The following SLC35F1 variants were observed in gnomAD, a reference collection of about 807,000 sequenced individuals.
SLC35F1 encodes the protein chromosome 6 open reading frame 169.
Under a neutral mutation model 48.7 loss-of-function variants are expected in SLC35F1, and 14 were observed. That is an observed-to-expected ratio of 0.29 (90% CI 0.19 to 0.45). The LOEUF (loss-of-function observed/expected upper bound fraction) is 0.45, where lower values mean the gene tolerates loss of function less well. Among genes scored for constraint, SLC35F1 ranks in the 20% least tolerant of loss-of-function variants. SLC35F1 has a pLI of 1.00. For missense variants in SLC35F1, 404 were observed against 500.0 expected (o/e 0.81, Z 1.83); for synonymous variants, 190 against 202.2 (o/e 0.94, Z 0.51).
intron 7 of SLC35F1, among the ~76,000 whole-genome samples, chr6:118,286,283 C>T (rs577104160): frequency 1.3e-5 from 2 of 152,312 alleles, no homozygotes; most frequent in South Asian, 2.1e-4. Flanking sequence ...AGCCACCATC[C>T]GCAGCACTCG....
intron 1 of SLC35F1, among the ~76,000 whole-genome samples, chr6:117,936,682 A>G: frequency 6.6e-6 from 1 of 152,314 alleles, no homozygotes; most frequent in East Asian, 1.9e-4. Flanking sequence ...GTAGATAGGC[A>G]TAAAGGCTTA....
intron 1 of SLC35F1, among the ~76,000 whole-genome samples, chr6:118,071,259 G>A (rs894653425): frequency 6.7e-6 from 1 of 148,626 alleles, no homozygotes; most frequent in Non-Finnish European, 1.5e-5. Flanking sequence ...TTACAGTATT[G>A]CTATATTGTT....
At chr6:118,303,272 T>A (rs937275) in intron 7 of SLC35F1, among the ~76,000 whole-genome samples, 16,170 of 152,240 alleles carry the variant, frequency 0.11, 959 homozygotes, top group Middle Eastern at 0.19. Context: ...CAATAATCCA[T>A]TAAGGGTGTT....
intron 1 of SLC35F1, among the ~76,000 whole-genome samples, chr6:118,061,675 C>T (rs192654681): frequency 1.3e-5 from 2 of 151,476 alleles, no homozygotes; most frequent in Admixed American, 6.6e-5. Flanking sequence ...ATAGTTTAAA[C>T]CAGCAGTCCC....
At chr6:118,071,216 A>ATG (rs1210819749) in intron 1 of SLC35F1, among the ~76,000 whole-genome samples, 16 of 147,266 alleles carry the variant, frequency 1.1e-4, no homozygotes, top group East Asian at 4.1e-4. Flanking sequence ...TATATATACT[A>ATG]TGTGTATATA....
At chr6:118,197,652 C>T (rs1262799938) in intron 2 of SLC35F1, among the ~76,000 whole-genome samples, 4 of 152,108 alleles carry the variant, frequency 2.6e-5, no homozygotes, top group Non-Finnish European at 5.9e-5. Flanking sequence ...TGGCCTGAGG[C>T]CCAAATTGTA....
intron 1 of SLC35F1, among the ~76,000 whole-genome samples, chr6:118,074,338 A>C (rs1772787708): frequency 6.6e-6 from 1 of 152,204 alleles, no homozygotes; most frequent in Non-Finnish European, 1.5e-5. Flanking sequence ...TGTTCCCAGC[A>C]TGGAATATTG....
chr6:117,944,567 CT>C (rs1272940854), intron 1 of SLC35F1, among the ~76,000 whole-genome samples: 9 of 143,628 alleles, frequency 6.3e-5, no homozygotes, highest in East Asian at 6.2e-4. Context: ...TGAGATCCCC[CT>C]CTCCCAAAAC....
In SLC35F1 at chr6:118,166,556, T is replaced by G. The variant is rs573879237; in HGVS notation, c.349+11936T>G. On this transcript the variant is annotated intron_variant, in intron 2 of 7. Coordinates refer to ENST00000360388, the MANE Select transcript of SLC35F1 (RefSeq NM_001029858.4). The stretch of plus-strand genomic sequence containing the variant: ...GGCTAAAAGAAACTAAGTTAGATCA[T>G]TCAGAAGCAAGTGAAGAACTCACCT... Among the ~76,000 whole-genome samples the G allele has an allele frequency of 6.8e-4, 103 of 152,326 alleles. No individual in the cohort carries two copies. The Middle Eastern group carries it at 0.014, about 20-fold the overall frequency.
intron 7 of SLC35F1, among the ~76,000 whole-genome samples, chr6:118,307,493 A>G (rs1324917638): frequency 6.6e-6 from 1 of 152,228 alleles, no homozygotes; most frequent in South Asian, 2.1e-4. Flanking sequence ...AGGAGAAATA[A>G]GGGACATGAG....
chr6:118,000,828 A>T (rs1042915329), intron 1 of SLC35F1, among the ~76,000 whole-genome samples: 2 of 152,244 alleles, frequency 1.3e-5, no homozygotes, highest in Non-Finnish European at 2.9e-5. Flanking sequence ...GAGCCAAATC[A>T]TGAGTGAACT....
chr6:118,183,037 C>G (rs1774605777), intron 2 of SLC35F1, among the ~76,000 whole-genome samples: 1 of 152,158 alleles, frequency 6.6e-6, no homozygotes, highest in Non-Finnish European at 1.5e-5. Flanking sequence ...TTTGGTCTGA[C>G]TCCAAAATTT....
chr6:118,075,481 A>G (rs961588360), intron 1 of SLC35F1, among the ~76,000 whole-genome samples: 3 of 152,246 alleles, frequency 2.0e-5, no homozygotes, highest in African/African-American at 4.8e-5. Context: ...CTGTAAGCCA[A>G]TATGTACTGG....
intron 1 of SLC35F1, among the ~76,000 whole-genome samples, chr6:117,998,673 C>G (rs556240186): frequency 1.3e-5 from 2 of 152,326 alleles, no homozygotes; most frequent in African/African-American, 4.8e-5. Context: ...TCCTGAATGA[C>G]TACTGGATAC....
intron 1 of SLC35F1, among the ~76,000 whole-genome samples, chr6:117,933,187 G>C (rs935984207): frequency 1.3e-5 from 2 of 152,028 alleles, no homozygotes; most frequent in Non-Finnish European, 2.9e-5. Context: ...GTGTCTCTTG[G>C]ACATGCATAC....
chr6:118,160,684 G>T (rs971675988), intron 2 of SLC35F1, among the ~76,000 whole-genome samples: 6 of 152,278 alleles, frequency 3.9e-5, no homozygotes, highest in African/African-American at 1.4e-4. Flanking sequence ...AGGTATTCAA[G>T]CACCTGTGCT....
At chr6:117,939,053 C>A (rs1431832927) in intron 1 of SLC35F1, among the ~76,000 whole-genome samples, 1 of 150,910 alleles carries the variant, frequency 6.6e-6, no homozygotes, top group Non-Finnish European at 1.5e-5. Flanking sequence ...CTATGTCACC[C>A]AGGCTGGCAT....
chr6:118,071,853 A>G (rs1374488268), intron 1 of SLC35F1, among the ~76,000 whole-genome samples: 1 of 152,128 alleles, frequency 6.6e-6, no homozygotes, highest in Non-Finnish European at 1.5e-5. Flanking sequence ...GAAGTGTCTC[A>G]TATGTTTTGT....
At chr6:118,099,988 A>G (rs555438226) in intron 1 of SLC35F1, among the ~76,000 whole-genome samples, 1 of 152,346 alleles carries the variant, frequency 6.6e-6, no homozygotes, top group East Asian at 1.9e-4. Context: ...TGTATAATAA[A>G]TAACATTTAT....
Sources: allele counts gnomAD v4.1 joint callset (sites outside exome capture counted in the v4.1 genomes callset), GRCh38; gene constraint gnomAD v4.1.1; transcripts MANE v1.5; gene names NCBI Gene and HGNC (gene_info 2026-07-23, HGNC 2026-07-21).